Variants in CACNA1C observed in about 807,000 individuals in gnomAD.
The protein encoded by CACNA1C is calcium voltage-gated channel subunit alpha1 C.
CACNA1C carries 30 observed loss-of-function variants against 229.0 expected under a neutral mutation model. The ratio of observed to expected loss-of-function variants is 0.13; its 90% CI spans 0.10 to 0.18. CACNA1C has a LOEUF of 0.18. CACNA1C is among the 10% of genes least tolerant of loss of function. The pLI, the probability that CACNA1C is intolerant of heterozygous loss-of-function variation, is 1.00. For missense variants in CACNA1C, 1,658 were observed against 2,845.0 expected (o/e 0.58, Z 9.49); for synonymous variants, 1,114 against 1,132.5 (o/e 0.98, Z 0.33).
chr12:2,362,839 C>T (rs1032781986), intron 3 of CACNA1C, among the ~76,000 whole-genome samples: 1 of 152,194 alleles, frequency 6.6e-6, no homozygotes, highest in African/African-American at 2.4e-5. Flanking sequence ...AGATTCTAGG[C>T]CCAGCGGGCA....
At chr12:2,556,756 C>CCA (rs2044516302) in intron 10 of CACNA1C, among the ~76,000 whole-genome samples, 195 bp from the exon 11 acceptor site, 1 of 152,192 alleles carries the variant, frequency 6.6e-6, no homozygotes. Flanking sequence ...GCTAGCCAGG[C>CCA]CAGACCTCAG....
chr12:2,080,265 C>CA (rs2064981104), intron 1 of CACNA1C, among the ~76,000 whole-genome samples: 1 of 51,696 alleles, frequency 1.9e-5, no homozygotes, highest in Non-Finnish European at 3.6e-5. Context: ...CTGTCTCAAA[C>CA]AAAAAACAAA....
At position 2,324,715 on chromosome 12, in the gene CACNA1C, CAG is replaced by C. The variant is rs761121236; in HGVS notation, c.478-124260_478-124259del. On this transcript the variant is annotated intron_variant, in intron 3 of 46. Coordinates refer to ENST00000399655, the MANE Select transcript of CACNA1C (RefSeq NM_000719.7). ...ATTAAAAATATGCAAAGGAAATAAA[CAG>C]GCCTCCATCAATCACTTCCTTGGCG... Among the ~76,000 whole-genome samples, 169 of 152,206 alleles carry C rather than the reference CAG, an allele frequency of 1.1e-3. 1 individual carries two copies. The highest frequency in any genetic ancestry group is 2.1e-3 in the Non-Finnish European group (146 of 68,022).
At chr12:2,078,433 A>G (rs2064066067) in intron 1 of CACNA1C, among the ~76,000 whole-genome samples, 1 of 152,338 alleles carries the variant, frequency 6.6e-6, no homozygotes, top group Admixed American at 6.5e-5. Context: ...ATATGCTACA[A>G]CGGGGATGAA....
chr12:2,679,331 A>C lies in CACNA1C; in HGVS notation c.5092-113A>C. Reference sequence around the variant, plus strand: ...AGCAGGGCTGTGCCTACCCGAAAGAAGGCAGCCCGCCTTCCCAGGCCCTGC... The same window carrying C: ...AGCAGGGCTGTGCCTACCCGAAAGACGGCAGCCCGCCTTCCCAGGCCCTGC... On this transcript the variant is annotated intron_variant, in intron 41 of 46. Transcript: ENST00000399655. The surrounding 1 kb of genome is among the most constrained non-coding windows in gnomAD (Gnocchi z 5.5). 1.3e-6 allele frequency: 1 copy of C among 763,130 alleles called. No homozygotes were observed. The highest frequency in any genetic ancestry group is 2.1e-6 in the Non-Finnish European group (1 of 486,694). The allele number at this position is 763,130 out of a possible 1,614,324, so 47.3% of individuals were successfully genotyped here. A position where few individuals can be genotyped will look rare whatever the true frequency, so the allele number is the denominator to read the frequency against.
chr12:2,462,107 C>T (rs1317689619), intron 5 of CACNA1C, among the ~76,000 whole-genome samples: 2 of 152,010 alleles, frequency 1.3e-5, no homozygotes, highest in Admixed American at 1.3e-4. Context: ...CTCACCAGCC[C>T]TCCACAGTGA....
intron 10 of CACNA1C, among the ~76,000 whole-genome samples, chr12:2,552,782 T>G: frequency 6.6e-6 from 1 of 151,208 alleles, no homozygotes; most frequent in African/African-American, 2.4e-5. Flanking sequence ...GGAGATGGGG[T>G]GGAAATGGGC....
Position 2,691,521 on chromosome 12 carries a change from A to T in CACNA1C, c.*322A>T. On this transcript the variant is annotated 3_prime_UTR_variant, in exon 47 of 47. Coordinates refer to ENST00000399655, the MANE Select transcript of CACNA1C (RefSeq NM_000719.7). ...CCCCGGCTTCCCGCGCGCCCTCACC[A>T]AAAGGACCCTACAGCAAACGGGTGT... 3.4e-6 allele frequency: 1 copy of T among 296,802 alleles called. No individual in the cohort carries two copies. Among genetic ancestry groups the T allele is most frequent in the East Asian group, 5.6e-5 (1 of 17,928 alleles). The allele number at this position is 296,802 out of a possible 1,614,324, so 18.4% of individuals were successfully genotyped here.
At chr12:2,376,257 C>T (rs1352630579) in intron 3 of CACNA1C, among the ~76,000 whole-genome samples, 1 of 152,060 alleles carries the variant, frequency 6.6e-6, no homozygotes, top group Non-Finnish European at 1.5e-5. Context: ...GGAGTCATGG[C>T]TTTGTGACCT....
chr12:2,460,216 C>T (rs776825948), intron 5 of CACNA1C, among the ~76,000 whole-genome samples: 5 of 152,216 alleles, frequency 3.3e-5, no homozygotes, highest in Non-Finnish European at 7.3e-5. Context: ...AGAGCCAAAC[C>T]GCACTAGCAA....
At chr12:2,114,046 C>A (rs1246346045) in intron 1 of CACNA1C, among the ~76,000 whole-genome samples, 3 of 152,354 alleles carry the variant, frequency 2.0e-5, no homozygotes, top group African/African-American at 7.2e-5. Flanking sequence ...TCTAATGAAT[C>A]ACCCCAAAAC....
chr12:2,230,274 G>A (rs1786367432), intron 3 of CACNA1C, among the ~76,000 whole-genome samples: 2 of 152,188 alleles, frequency 1.3e-5, no homozygotes, highest in African/African-American at 2.4e-5. Context: ...ATGGGTGTAC[G>A]TGGGGACGGC....
At chr12:2,085,994 C>T (rs2067502897) in intron 1 of CACNA1C, among the ~76,000 whole-genome samples, 1 of 152,202 alleles carries the variant, frequency 6.6e-6, no homozygotes, top group Admixed American at 6.5e-5. Flanking sequence ...TCTACTGCTT[C>T]TTTAGGATTC....
At position 2,403,929 on chromosome 12, in the gene CACNA1C, C is replaced by A. The variant is rs541309515; in HGVS notation, c.478-45047C>A. ...TAGAGGAAAGACTTAATGATTCTCACCCTTGAAAGTGTGTACAGAAATCCT... is the reference window on the plus strand; with the variant it reads ...TAGAGGAAAGACTTAATGATTCTCAACCTTGAAAGTGTGTACAGAAATCCT... On this transcript the variant is annotated intron_variant, in intron 3 of 46. Transcript: ENST00000399655. The surrounding 1 kb of genome is among the most constrained non-coding windows in gnomAD (Gnocchi z 4.1). 7.3e-4 allele frequency among the ~76,000 whole-genome samples: 111 copies of A among 152,322 alleles called. No homozygotes were observed. Among genetic ancestry groups the A allele is most frequent in the Non-Finnish European group, 1.4e-3 (97 of 68,036 alleles).
At chr12:2,310,340 G>GT (rs1404673299) in intron 3 of CACNA1C, among the ~76,000 whole-genome samples, 23 of 130,780 alleles carry the variant, frequency 1.8e-4, no homozygotes, top group African/African-American at 7.4e-4. Context: ...CTGCCTCCCA[G>GT]TTAAAAAAAA....
intron 1 of CACNA1C, among the ~76,000 whole-genome samples, chr12:1,996,496 T>C (rs1273042797): frequency 2.0e-5 from 3 of 151,728 alleles, no homozygotes; most frequent in African/African-American, 7.3e-5. Context: ...TGAGGCCCAA[T>C]TCAAGACACA....
In CACNA1C at chr12:2,460,801, C is replaced by T. The variant is rs74053437; in HGVS notation, c.757+3095C>T. 5.2e-3 allele frequency among the ~76,000 whole-genome samples: 795 copies of T among 152,312 alleles called. 6 individuals are homozygous for T. Among genetic ancestry groups the T allele is most frequent in the African/African-American group, 0.017 (722 of 41,558 alleles). Reference sequence around the variant, plus strand: ...CCATGCTTATGCATAGGAGCAGCAACGGTGTCTGGTTTCCTTTGGGTCACC... The same window carrying T: ...CCATGCTTATGCATAGGAGCAGCAATGGTGTCTGGTTTCCTTTGGGTCACC... On this transcript the variant is annotated intron_variant, in intron 5 of 46. Coordinates refer to ENST00000399655, the MANE Select transcript of CACNA1C (RefSeq NM_000719.7).
chr12:2,557,161 C>A (rs768132907), intron 11 of CACNA1C, among the ~76,000 whole-genome samples, 184 bp downstream of exon 11: 16 of 152,168 alleles, frequency 1.1e-4, no homozygotes, highest in Non-Finnish European at 1.8e-4. Context: ...GACAAATAAT[C>A]CAGCGGTTGA....
At chr12:2,412,135 A>G (rs1017887977) in intron 3 of CACNA1C, among the ~76,000 whole-genome samples, 46 of 151,444 alleles carry the variant, frequency 3.0e-4, no homozygotes, top group Admixed American at 1.2e-3. Context: ...GAGGTCCCTC[A>G]GGAAAAGCAG....
Sources: gnomAD v4.1 joint callset for allele counts (sites outside exome capture counted in the v4.1 genomes callset) on GRCh38, gnomAD v4.1.1 for gene constraint, Gnocchi (gnomAD v3.1) non-coding constraint, MANE v1.5 for transcripts, NCBI Gene and HGNC (gene_info 2026-07-23, HGNC 2026-07-21) for gene names.